The following MICU1 variants were observed in gnomAD, a reference collection of about 807,000 sequenced individuals.
The protein encoded by MICU1 is calcium uptake protein 1, mitochondrial.
Under a neutral mutation model 56.8 loss-of-function variants are expected in MICU1, and 45 were observed. The observed-to-expected ratio is 0.79, with a 90% confidence interval of 0.62 to 1.02. The LOEUF (loss-of-function observed/expected upper bound fraction) is 1.02. MICU1 is among the 50% of genes least tolerant of loss of function. MICU1 has a pLI of 0.00. For synonymous variants in MICU1, 186 were observed against 195.1 expected (o/e 0.95, Z 0.39); for missense variants, 504 against 587.1 (o/e 0.86, Z 1.46).
intron 8 of MICU1, among the ~76,000 whole-genome samples, chr10:72,449,196 G>C (rs919285585): frequency 6.6e-6 from 1 of 152,140 alleles, no homozygotes; most frequent in African/African-American, 2.4e-5. Context: ...TCAGGAGTTT[G>C]AGACCAGTGT....
intron 5 of MICU1, among the ~76,000 whole-genome samples, chr10:72,508,867 G>T (rs965180335): frequency 1.3e-5 from 2 of 152,076 alleles, no homozygotes; most frequent in African/African-American, 4.8e-5. Flanking sequence ...CACACTTTCG[G>T]CAATTTAATC....
intron 10 of MICU1, among the ~76,000 whole-genome samples, chr10:72,396,490 G>T (rs1183898015): frequency 6.6e-6 from 1 of 152,184 alleles, no homozygotes; most frequent in Non-Finnish European, 1.5e-5. Flanking sequence ...AAACTTCTCT[G>T]AGCTAAAGGA....
chr10:72,500,643 C>T (rs1374009298), intron 6 of MICU1, among the ~76,000 whole-genome samples: 3 of 151,940 alleles, frequency 2.0e-5, no homozygotes, highest in Non-Finnish European at 4.4e-5. Context: ...ATTATTGCCT[C>T]CCCATCAAGC....
At chr10:72,497,781 G>A (rs1253299686) in intron 6 of MICU1, among the ~76,000 whole-genome samples, 1 of 152,170 alleles carries the variant, frequency 6.6e-6, no homozygotes, top group African/African-American at 2.4e-5. Context: ...TGTAATCAAT[G>A]GTATAGTGAT....
intron 5 of MICU1, among the ~76,000 whole-genome samples, chr10:72,512,949 C>T (rs543867787): frequency 1.4e-4 from 21 of 152,222 alleles, no homozygotes; most frequent in East Asian, 1.2e-3. Context: ...AAGCAATCTG[C>T]GTGCCTCAGC....
chr10:72,441,111 CGCG>C (rs1183278798), intron 8 of MICU1, among the ~76,000 whole-genome samples: 1 of 152,040 alleles, frequency 6.6e-6, no homozygotes, highest in Non-Finnish European at 1.5e-5. Flanking sequence ...GTATGTTTAT[CGCG>C]GCACTACTCA....
chr10:72,576,893 T>C (rs1589359945), intron 1 of MICU1, among the ~76,000 whole-genome samples: 3 of 152,270 alleles, frequency 2.0e-5, no homozygotes, highest in Middle Eastern at 6.8e-3. Flanking sequence ...TTATGCTATA[T>C]CTCACAATTT....
intron 10 of MICU1, among the ~76,000 whole-genome samples, chr10:72,404,923 T>G (rs745616384): frequency 9.8e-5 from 15 of 152,318 alleles, no homozygotes; most frequent in Non-Finnish European, 2.1e-4. Flanking sequence ...ATTATTATTT[T>G]TGAGATGGAG....
chr10:72,428,183 T>C (rs1334519149), intron 8 of MICU1, among the ~76,000 whole-genome samples: 1 of 152,174 alleles, frequency 6.6e-6, no homozygotes, highest in African/African-American at 2.4e-5. Flanking sequence ...AGGTTCACAA[T>C]CTGGAACAGA....
chr10:72,439,480 A>C (rs557762577), intron 8 of MICU1, among the ~76,000 whole-genome samples: 1 of 152,354 alleles, frequency 6.6e-6, no homozygotes, highest in South Asian at 2.1e-4. Context: ...ATTCCCTTTG[A>C]AAACTGGCAC....
At chr10:72,386,557 AT>A (rs34210330) in intron 10 of MICU1, among the ~76,000 whole-genome samples, 3,842 of 120,138 alleles carry the variant, frequency 0.032, 131 homozygotes, top group African/African-American at 0.1. Flanking sequence ...CCCGCCACCT[AT>A]TTTTTTTTTT....
At chr10:72,463,904 T>A (rs1268827057) in intron 8 of MICU1, among the ~76,000 whole-genome samples, 4 of 152,246 alleles carry the variant, frequency 2.6e-5, no homozygotes, top group South Asian at 2.1e-4. Context: ...TACCATTTTT[T>A]AAAATCTTTT....
chr10:72,559,110 T>C (rs1840229242), intron 3 of MICU1, among the ~76,000 whole-genome samples: 1 of 151,984 alleles, frequency 6.6e-6, no homozygotes, highest in Non-Finnish European at 1.5e-5. Context: ...ATTGCTTAAA[T>C]CTGTGAGTGC....
intron 1 of MICU1, among the ~76,000 whole-genome samples, chr10:72,581,647 C>T (rs973867689): frequency 3.3e-5 from 5 of 152,002 alleles, no homozygotes; most frequent in Non-Finnish European, 5.9e-5. Context: ...GAAGTTACTA[C>T]CAACAGAACT....
rs148577888 is a variant in MICU1 at position 72,561,352 on chromosome 10, G to A, written c.330+1543C>T. Among the ~76,000 whole-genome samples, 4 of 152,304 alleles carry A rather than the reference G, an allele frequency of 2.6e-5. No individual in the cohort carries two copies. In the East Asian group the frequency reaches 7.7e-4, roughly 29 times the overall value. ...GACTGGCCTGTAGATGAAACTGCTG[G>A]CACAGAGTAAAGTTGTGCTTTCTTT... On this transcript the variant is annotated intron_variant, in intron 3 of 11. Coordinates refer to ENST00000361114, the MANE Select transcript of MICU1 (RefSeq NM_001195518.2).
intron 1 of MICU1, among the ~76,000 whole-genome samples, chr10:72,599,236 A>G (rs1030525690): frequency 1.3e-5 from 2 of 152,248 alleles, no homozygotes; most frequent in African/African-American, 4.8e-5. Flanking sequence ...AGAGAACAAT[A>G]ATGTGTATAA....
At chr10:72,549,958 C>A (rs1839993539) in intron 4 of MICU1, among the ~76,000 whole-genome samples, 1 of 137,530 alleles carries the variant, frequency 7.3e-6, no homozygotes, top group Admixed American at 7.2e-5. Flanking sequence ...GAATTAGTTT[C>A]TTCATATCCT....
At chr10:72,553,524 C>T (rs142202713) in intron 3 of MICU1, among the ~76,000 whole-genome samples, 134 of 152,268 alleles carry the variant, frequency 8.8e-4, no homozygotes, top group Admixed American at 3.7e-3. Flanking sequence ...TGAGCCACTG[C>T]GCCCAGCCAG....
At position 72,556,308 on chromosome 10, in the gene MICU1, T is replaced by C. The variant is rs549414284; in HGVS notation, c.331-4967A>G. On this transcript the variant is annotated intron_variant, in intron 3 of 11. Transcript: ENST00000361114. Reference sequence around the variant, plus strand: ...AAAGTAAATTAATTTTTGGCAGTAATAGTAATAATATACATAAATTCCAAT... The same window carrying C: ...AAAGTAAATTAATTTTTGGCAGTAACAGTAATAATATACATAAATTCCAAT... 3.3e-5 allele frequency among the ~76,000 whole-genome samples: 5 copies of C among 152,318 alleles called. No individual in the cohort carries two copies. In the East Asian group the frequency reaches 9.6e-4, roughly 29 times the overall value.
Sources: gnomAD v4.1 joint callset for allele counts (sites outside exome capture counted in the v4.1 genomes callset) on GRCh38, gnomAD v4.1.1 for gene constraint, MANE v1.5 for transcripts, NCBI Gene and HGNC (gene_info 2026-07-23, HGNC 2026-07-21) for gene names.